Variants in LYPD6B observed in about 807,000 individuals in gnomAD.
LYPD6B encodes the protein ly6/PLAUR domain-containing protein 6B.
Under a neutral mutation model 22.8 loss-of-function variants are expected in LYPD6B, and 17 were observed. That is an observed-to-expected ratio of 0.75 (90% confidence interval 0.51 to 1.12). LYPD6B has a LOEUF of 1.12. Ranked by LOEUF, LYPD6B falls within the 50% of genes most tolerant of loss-of-function variation. The pLI, the probability that LYPD6B is intolerant of heterozygous loss-of-function variation, is 0.00. For missense variants in LYPD6B, 221 were observed against 258.3 expected (o/e 0.86, Z 0.99); for synonymous variants, 106 against 91.6 (o/e 1.16, Z -0.90).
intron 2 of LYPD6B, among the ~76,000 whole-genome samples, chr2:149,138,496 TAAAGA>T (rs949637482): frequency 3.3e-5 from 5 of 152,154 alleles, no homozygotes; most frequent in Middle Eastern, 3.2e-3. Context: ...ACCTAGCAAA[TAAAGA>T]AAAGAGCACT....
At chr2:149,062,981 C>T (rs193227340) in intron 1 of LYPD6B, among the ~76,000 whole-genome samples, 1 of 150,256 alleles carries the variant, frequency 6.7e-6, no homozygotes, top group African/African-American at 2.4e-5. Context: ...GAAGGAGCTG[C>T]AAGGTTCACC....
intron 3 of LYPD6B, chr2:149,204,565 T>C (rs926624775): frequency 8.4e-5 from 13 of 154,398 alleles, no homozygotes; most frequent in African/African-American, 3.1e-4. Context: ...TAACATTATA[T>C]GGTTGTCAGC....
At chr2:149,102,208 T>A (rs60357712) in intron 1 of LYPD6B, among the ~76,000 whole-genome samples, 2,493 of 152,308 alleles carry the variant, frequency 0.016, 55 homozygotes, top group African/African-American at 0.055. Context: ...TGAATCACTT[T>A]AAAAAAGTAG....
At chr2:149,135,473 A>C (rs938829081) in intron 2 of LYPD6B, among the ~76,000 whole-genome samples, 1 of 151,824 alleles carries the variant, frequency 6.6e-6, no homozygotes, top group Non-Finnish European at 1.5e-5. Context: ...TAACCCCAGC[A>C]CTTTGGAAGG....
At chr2:149,083,006 G>T (rs1392520820) in intron 1 of LYPD6B, among the ~76,000 whole-genome samples, 1 of 152,320 alleles carries the variant, frequency 6.6e-6, no homozygotes, top group South Asian at 2.1e-4. Context: ...CCAGCATGGA[G>T]AGCAGATGCT....
At chr2:149,174,397 C>G (rs1477232643) in intron 3 of LYPD6B, among the ~76,000 whole-genome samples, 1 of 152,132 alleles carries the variant, frequency 6.6e-6, no homozygotes, top group South Asian at 2.1e-4. Flanking sequence ...CCTGATTGCC[C>G]TGGCCAGAAC....
chr2:149,071,539 C>G (rs1029475999), intron 1 of LYPD6B, among the ~76,000 whole-genome samples: 3 of 152,166 alleles, frequency 2.0e-5, no homozygotes, highest in African/African-American at 7.2e-5. Context: ...TGCTTATACT[C>G]TAGCTATAGA....
chr2:149,151,469 G>A (rs1689373359), intron 2 of LYPD6B, among the ~76,000 whole-genome samples: 1 of 152,172 alleles, frequency 6.6e-6, no homozygotes, highest in South Asian at 2.1e-4. Context: ...TGAGGAAGCT[G>A]TAGTCTTCCG....
At chr2:149,096,350 G>T (rs778410946) in intron 1 of LYPD6B, among the ~76,000 whole-genome samples, 1 of 152,162 alleles carries the variant, frequency 6.6e-6, no homozygotes, top group South Asian at 2.1e-4. Context: ...TTGTGATGGC[G>T]TGAGGTAACT....
chr2:149,059,280 G>A (rs1273960448), intron 1 of LYPD6B, among the ~76,000 whole-genome samples: 1 of 152,200 alleles, frequency 6.6e-6, no homozygotes, highest in Non-Finnish European at 1.5e-5. Flanking sequence ...GTACATTCCT[G>A]TGCCACACAC....
At chr2:149,212,030 C>T (rs914330414) in intron 5 of LYPD6B, among the ~76,000 whole-genome samples, 7 of 151,914 alleles carry the variant, frequency 4.6e-5, no homozygotes, top group African/African-American at 1.7e-4. Flanking sequence ...AATGGAAATA[C>T]ATGGATGAGA....
intron 1 of LYPD6B, among the ~76,000 whole-genome samples, chr2:149,099,649 A>C (rs1416956717): frequency 1.3e-5 from 2 of 152,116 alleles, no homozygotes; most frequent in African/African-American, 4.8e-5. Context: ...GTTCTCAAAA[A>C]CCTTGTCCAT....
chr2:149,048,837 A>T (rs1378029095), intron 1 of LYPD6B, among the ~76,000 whole-genome samples: 1 of 152,106 alleles, frequency 6.6e-6, no homozygotes, highest in Non-Finnish European at 1.5e-5. Context: ...CCTTCCACTT[A>T]TGCTTTATCA....
intron 1 of LYPD6B, among the ~76,000 whole-genome samples, chr2:149,123,732 C>T (rs550490710): frequency 1.6e-4 from 25 of 152,092 alleles, no homozygotes; most frequent in Non-Finnish European, 3.4e-4. Flanking sequence ...CATGGTGGCA[C>T]GCACCCCCAG....
chr2:149,159,589 C>CGTGTGTGTGT (rs60129822), intron 2 of LYPD6B, among the ~76,000 whole-genome samples: 126 of 145,906 alleles, frequency 8.6e-4, no homozygotes, highest in East Asian at 1.9e-3. Context: ...CATATGTGTG[C>CGTGTGTGTGT]GTGTGTGTGT....
intron 1 of LYPD6B, among the ~76,000 whole-genome samples, chr2:149,100,890 G>C (rs1192805379): frequency 2.0e-5 from 3 of 152,188 alleles, no homozygotes; most frequent in Non-Finnish European, 4.4e-5. Flanking sequence ...CTTCCTGTCT[G>C]TGCTAATATA....
intron 1 of LYPD6B, among the ~76,000 whole-genome samples, chr2:149,083,706 A>G (rs6432716): frequency 0.53 from 81,077 of 152,018 alleles, 21,741 homozygotes; most frequent in Middle Eastern, 0.59. Flanking sequence ...GATGCTGTGA[A>G]GTTCGTATGG....
chr2:149,201,609 A>G (rs1419332418), intron 3 of LYPD6B, among the ~76,000 whole-genome samples: 1 of 151,578 alleles, frequency 6.6e-6, no homozygotes, highest in Non-Finnish European at 1.5e-5. Context: ...ACTGAAGAAT[A>G]GATATAGATA....
chr2:149,052,277 G>A (rs935267386), intron 1 of LYPD6B, among the ~76,000 whole-genome samples: 1 of 152,012 alleles, frequency 6.6e-6, no homozygotes, highest in African/African-American at 2.4e-5. Context: ...GGATGGTCTC[G>A]ATCTCCTGAC....
Sources: allele counts gnomAD v4.1 joint callset (sites outside exome capture counted in the v4.1 genomes callset), GRCh38; gene constraint gnomAD v4.1.1; transcripts MANE v1.5; gene names NCBI Gene and HGNC (gene_info 2026-07-23, HGNC 2026-07-21).